The following IMMP2L variants were observed in gnomAD, a reference collection of about 807,000 sequenced individuals.
IMMP2L encodes the protein mitochondrial inner membrane protease subunit 2.
In IMMP2L, 18 loss-of-function variants were observed where a neutral mutation model predicts 19.3. That is an observed-to-expected ratio of 0.93 (90% CI 0.64 to 1.38). The LOEUF (loss-of-function observed/expected upper bound fraction) is 1.38. Ranked by LOEUF, IMMP2L falls within the 40% of genes most tolerant of loss-of-function variation. IMMP2L has a pLI of 0.00. For missense variants in IMMP2L, 233 were observed against 218.2 expected, an observed-to-expected ratio of 1.07 and a Z score of -0.43; for synonymous variants, 76 against 73.0, an observed-to-expected ratio of 1.04 and a Z score of -0.21.
At chr7:111,501,369 G>A (rs992425637) in intron 2 of IMMP2L, among the ~76,000 whole-genome samples, 6 of 152,146 alleles carry the variant, frequency 3.9e-5, no homozygotes, top group Non-Finnish European at 8.8e-5. Context: ...AAAGTGACGG[G>A]GAGAATGGAA....
chr7:110,867,119 G>C (rs1253160712), intron 5 of IMMP2L, among the ~76,000 whole-genome samples: 1 of 151,716 alleles, frequency 6.6e-6, no homozygotes, highest in Non-Finnish European at 1.5e-5. Context: ...CCACAGACTG[G>C]GTGACTTAAA....
At chr7:111,443,568 G>A (rs1837965366) in intron 3 of IMMP2L, among the ~76,000 whole-genome samples, 1 of 152,160 alleles carries the variant, frequency 6.6e-6, no homozygotes, top group Non-Finnish European at 1.5e-5. Context: ...ACATCCTAGT[G>A]TGCTGCTTTA....
intron 4 of IMMP2L, among the ~76,000 whole-genome samples, chr7:110,955,214 T>TA (rs1312471597): frequency 6.6e-6 from 1 of 151,868 alleles, no homozygotes; most frequent in East Asian, 1.9e-4. Context: ...TATTCACTGA[T>TA]ACAGCAATAG....
intron 3 of IMMP2L, among the ~76,000 whole-genome samples, chr7:111,114,804 A>C (rs1306453822): frequency 6.6e-6 from 1 of 152,080 alleles, no homozygotes; most frequent in Non-Finnish European, 1.5e-5. Flanking sequence ...AGAATATTTA[A>C]GGGTTACTAC....
chr7:110,840,160 C>G (rs1026565277), intron 5 of IMMP2L, among the ~76,000 whole-genome samples: 14 of 152,172 alleles, frequency 9.2e-5, no homozygotes, highest in Admixed American at 7.9e-4. Flanking sequence ...ACAACCTCAA[C>G]TGAAGCTCTT....
chr7:111,425,767 T>C lies in IMMP2L; in HGVS notation c.239+61471A>G, dbSNP rs556740152. ...GAATCAGCAAGTGTTCCCAAACATT[T>C]TGAACCATAATCTTAGTTACCCACC... On this transcript the variant is annotated intron_variant, in intron 3 of 5. Transcript: ENST00000405709. 1.7e-4 allele frequency among the ~76,000 whole-genome samples: 25 copies of C among 151,364 alleles called. No homozygotes were observed. The South Asian group carries it at 5.0e-3, about 30-fold the overall frequency.
In IMMP2L at chr7:110,820,333, C is replaced by G. The variant is rs1057446468; in HGVS notation, c.408+66260G>C. ...TGTGCTAATGTTCAATAACTTTACC[C>G]TGAGATCTAATATGCATCATAAACT... On this transcript the variant is annotated intron_variant, in intron 5 of 5. Transcript: ENST00000405709. 2.3e-4 allele frequency among the ~76,000 whole-genome samples: 35 copies of G among 151,948 alleles called. 1 individual carries two copies. The highest frequency in any genetic ancestry group is 2.9e-5 in the Non-Finnish European group (2 of 67,966).
intron 3 of IMMP2L, among the ~76,000 whole-genome samples, chr7:111,083,221 T>C (rs1466631266): frequency 6.6e-6 from 1 of 152,176 alleles, no homozygotes; most frequent in Non-Finnish European, 1.5e-5. Flanking sequence ...TCTTAAATAT[T>C]GACTCTTAAA....
intron 5 of IMMP2L, among the ~76,000 whole-genome samples, chr7:110,690,562 G>C (rs6967379): frequency 0.041 from 6,306 of 152,080 alleles, 274 homozygotes; most frequent in African/African-American, 0.11. Context: ...AAATCCTAAA[G>C]ACTCCTCCAA....
chr7:111,032,523 A>T (rs927674676), intron 3 of IMMP2L, among the ~76,000 whole-genome samples: 2 of 152,172 alleles, frequency 1.3e-5, no homozygotes, highest in Non-Finnish European at 2.9e-5. Context: ...AATCCAGTTA[A>T]AAAATGGGCA....
intron 1 of IMMP2L, among the ~76,000 whole-genome samples, chr7:111,532,348 T>C (rs1431994457): frequency 6.6e-6 from 1 of 152,164 alleles, no homozygotes; most frequent in Non-Finnish European, 1.5e-5. Context: ...AAGGGTCTTA[T>C]TAGGGCTCAA....
chr7:111,251,996 GA>G (rs1418542383), intron 3 of IMMP2L, among the ~76,000 whole-genome samples: 1 of 151,336 alleles, frequency 6.6e-6, no homozygotes. Context: ...ACTCTCTCCT[GA>G]AAAAAAATTC....
chr7:110,852,455 G>A (rs1806334569), intron 5 of IMMP2L, among the ~76,000 whole-genome samples: 1 of 151,972 alleles, frequency 6.6e-6, no homozygotes, highest in Admixed American at 6.6e-5. Flanking sequence ...ACCTGCACAT[G>A]CAACGGGGTG....
intron 3 of IMMP2L, among the ~76,000 whole-genome samples, chr7:111,150,557 A>G (rs954294012): frequency 6.6e-6 from 1 of 152,194 alleles, no homozygotes. Context: ...TGGCTTCACA[A>G]TTCAAACATG....
intron 3 of IMMP2L, among the ~76,000 whole-genome samples, chr7:111,205,383 T>C (rs1198592001): frequency 2.6e-5 from 4 of 152,192 alleles, no homozygotes; most frequent in Admixed American, 6.5e-5. Flanking sequence ...TTACTTGGTT[T>C]GTTGTGTATT....
chr7:111,504,051 T>C (rs1040671405), intron 2 of IMMP2L, among the ~76,000 whole-genome samples: 1 of 152,164 alleles, frequency 6.6e-6, no homozygotes, highest in Non-Finnish European at 1.5e-5. Flanking sequence ...GCAGATGACA[T>C]GATTGTATAT....
chr7:111,329,324 C>G (rs1825644654), intron 3 of IMMP2L, among the ~76,000 whole-genome samples: 1 of 151,740 alleles, frequency 6.6e-6, no homozygotes, highest in African/African-American at 2.4e-5. Flanking sequence ...CTCAACATAA[C>G]TAGAAAACAA....
chr7:110,663,623 T>C lies in IMMP2L; in HGVS notation c.507A>G (p.Pro169=), dbSNP rs150558760. 68 of 1,613,178 alleles carry C rather than the reference T, an allele frequency of 4.2e-5. No individual in the cohort carries two copies. The African/African-American group carries it at 7.6e-4, about 18-fold the overall frequency. Residue 169 remains proline, a synonymous_variant, in exon 6 of 6, where the codon CCA becomes CCG. Coordinates refer to ENST00000405709, the MANE Select transcript of IMMP2L (RefSeq NM_032549.4). Reference sequence around the variant, plus strand: ...GCAGTCATTCCTCTTCTCTCTGTACTGGTAAGCGCTCTGGAGGAAGAACAG... The same window carrying C: ...GCAGTCATTCCTCTTCTCTCTGTACCGGTAAGCGCTCTGGAGGAAGAACAG... ...LESVLPPERL[P]VQREEE
chr7:111,077,257 G>A (rs1404043829), intron 3 of IMMP2L, among the ~76,000 whole-genome samples: 2 of 152,152 alleles, frequency 1.3e-5, no homozygotes, highest in African/African-American at 4.8e-5. Flanking sequence ...TTTTTGTTTG[G>A]TTGGTTTTTT....
Sources: allele counts gnomAD v4.1 joint callset (sites outside exome capture counted in the v4.1 genomes callset), GRCh38; gene constraint gnomAD v4.1.1; transcripts MANE v1.5; gene names NCBI Gene and HGNC (gene_info 2026-07-23, HGNC 2026-07-21).